Variants in LMNB1 observed in about 807,000 individuals in gnomAD.
LMNB1 encodes lamin B1.
In LMNB1, 23 loss-of-function variants were observed where a neutral mutation model predicts 67.1. That is an observed-to-expected ratio of 0.34 (90% confidence interval 0.25 to 0.49). The LOEUF is 0.49. LMNB1 is among the 20% of genes least tolerant of loss of function. The probability of loss-of-function intolerance (pLI) is 0.99; values close to 1 mark genes in which losing one functional copy is unlikely to be tolerated. For synonymous variants in LMNB1, 281 were observed against 282.9 expected (o/e 0.99, Z 0.07); for missense variants, 634 against 746.5 (o/e 0.85, Z 1.76).
intron 1 of LMNB1, among the ~76,000 whole-genome samples, chr5:126,781,294 C>T (rs1256320776): frequency 6.6e-6 from 1 of 151,752 alleles, no homozygotes; most frequent in Non-Finnish European, 1.5e-5. Context: ...TTGGTTTCTT[C>T]ATATTTTGTT....
intron 10 of LMNB1, among the ~76,000 whole-genome samples, chr5:126,834,801 G>A (rs999796971): frequency 9.9e-5 from 15 of 152,274 alleles, no homozygotes; most frequent in South Asian, 2.1e-4. Context: ...GCGTGAACCC[G>A]GGAGGCGGAG....
chr5:126,814,688 G>A (rs1406571033), intron 5 of LMNB1, among the ~76,000 whole-genome samples: 5 of 152,096 alleles, frequency 3.3e-5, no homozygotes, highest in Non-Finnish European at 7.4e-5. Flanking sequence ...ACAGGCACGC[G>A]CTACCACGCC....
At chr5:126,785,555 A>G (rs1188251148) in intron 1 of LMNB1, among the ~76,000 whole-genome samples, 3 of 136,798 alleles carry the variant, frequency 2.2e-5, no homozygotes, top group Admixed American at 7.6e-5. Context: ...TCCTGAGCTC[A>G]GGCAATATCT....
chr5:126,836,801 T>A lies in LMNB1; in HGVS notation c.*537T>A, dbSNP rs1350173748. The stretch of plus-strand genomic sequence containing the variant: ...ATTTTGTAAGAAGGCAATATTAACC[T>A]AATCACCATGTAAGCACTCTGGATG... On this transcript the variant is annotated 3_prime_UTR_variant, in exon 11 of 11. Coordinates refer to ENST00000261366, the MANE Select transcript of LMNB1 (RefSeq NM_005573.4). 2 of 378,654 alleles carry A rather than the reference T, an allele frequency of 5.3e-6. No homozygotes were observed. Among genetic ancestry groups the A allele is most frequent in the Non-Finnish European group, 9.3e-6 (2 of 215,276 alleles). The allele number at this position is 378,654 out of a possible 1,614,324, so 23.5% of individuals were successfully genotyped here.
intron 5 of LMNB1, among the ~76,000 whole-genome samples, chr5:126,817,618 G>A (rs1292878803): frequency 6.6e-6 from 1 of 152,126 alleles, no homozygotes; most frequent in African/African-American, 2.4e-5. Context: ...CTCTCTCAGA[G>A]TGAGAAACCT....
intron 1 of LMNB1, among the ~76,000 whole-genome samples, chr5:126,788,972 T>C (rs796285882): frequency 1.3e-5 from 2 of 151,664 alleles, no homozygotes; most frequent in South Asian, 2.1e-4. Context: ...CATGGTTCAC[T>C]ATAACCTGGA....
Position 126,777,607 on chromosome 5 carries a change from G to A in LMNB1, c.99G>A (p.Lys33=), listed in dbSNP as rs1750497385. ...SPTRLSRLQE[K]EELRELNDRL... is the part of the protein sequence containing the mutation. ...CGCGCCTGTCGCGGCTCCAGGAGAA[G>A]GAGGAGCTGCGCGAGCTCAATGACC... is the stretch of plus-strand genomic sequence containing the variant. Residue 33 remains lysine (K), a synonymous_variant, in exon 1 of 11, where the codon AAG becomes AAA. Coordinates refer to ENST00000261366, the MANE Select transcript of LMNB1 (RefSeq NM_005573.4). The A allele has an allele frequency of 3.9e-6, 6 of 1,537,200 alleles. No homozygotes were observed. The highest frequency in any genetic ancestry group is 5.3e-6 in the Non-Finnish European group (6 of 1,141,798).
At chr5:126,803,130 G>A (rs1164248233) in intron 1 of LMNB1, among the ~76,000 whole-genome samples, 2 of 149,344 alleles carry the variant, frequency 1.3e-5, no homozygotes, top group African/African-American at 2.5e-5. Flanking sequence ...AGGTTGCAAT[G>A]AGCCGAGATC....
Position 126,809,237 on chromosome 5 carries a change from T to C in LMNB1, c.643-943T>C, listed in dbSNP as rs201494571. On this transcript the variant is annotated intron_variant, in intron 3 of 10. Coordinates refer to ENST00000261366, the MANE Select transcript of LMNB1 (RefSeq NM_005573.4). ...GAGTAAAGGAAAGGATCATGACAAC[T>C]ACTTCTATTCTTCAATGGTAAATTT... Among the ~76,000 whole-genome samples the C allele has an allele frequency of 4.6e-5, 7 of 152,234 alleles. No homozygotes were observed. The East Asian group carries it at 1.3e-3, about 29-fold the overall frequency.
intron 1 of LMNB1, among the ~76,000 whole-genome samples, chr5:126,803,225 G>C (rs912479048): frequency 5.3e-5 from 8 of 151,484 alleles, no homozygotes; most frequent in African/African-American, 1.4e-4. Flanking sequence ...AGAAACTTCA[G>C]TTTGAACCTC....
chr5:126,791,116 T>G (rs950020416), intron 1 of LMNB1, among the ~76,000 whole-genome samples: 1 of 152,166 alleles, frequency 6.6e-6, no homozygotes, highest in Non-Finnish European at 1.5e-5. Flanking sequence ...GAAGTAATGA[T>G]GAGTGAAAAA....
chr5:126,821,299 TAGG>T (rs1365606191), intron 7 of LMNB1, among the ~76,000 whole-genome samples, 164 bp downstream of exon 7: 1 of 152,168 alleles, frequency 6.6e-6, no homozygotes, highest in Non-Finnish European at 1.5e-5. Context: ...AAAATTAAAA[TAGG>T]AGGAGGAAGA....
chr5:126,790,238 G>A (rs1177864285), intron 1 of LMNB1, among the ~76,000 whole-genome samples: 5 of 151,866 alleles, frequency 3.3e-5, no homozygotes, highest in Admixed American at 2.6e-4. Flanking sequence ...CTCCAGTAGC[G>A]GGGATTACAG....
At chr5:126,790,946 G>A (rs1390082550) in intron 1 of LMNB1, among the ~76,000 whole-genome samples, 3 of 151,932 alleles carry the variant, frequency 2.0e-5, no homozygotes, top group East Asian at 1.9e-4. Flanking sequence ...GCTTGAACCC[G>A]GGAGGTGGAG....
intron 1 of LMNB1, among the ~76,000 whole-genome samples, chr5:126,785,976 T>G (rs1434833023): frequency 6.6e-6 from 1 of 150,852 alleles, no homozygotes; most frequent in Middle Eastern, 3.2e-3. Flanking sequence ...ATCGTGCCAC[T>G]GCACTCCAGC....
intron 1 of LMNB1, among the ~76,000 whole-genome samples, chr5:126,800,143 G>A (rs925387213): frequency 2.0e-5 from 3 of 152,082 alleles, no homozygotes; most frequent in Non-Finnish European, 4.4e-5. Flanking sequence ...AAATTTTATT[G>A]AGTATCCCCA....
chr5:126,832,637 C>T (rs1752162458), intron 9 of LMNB1, 57 bp from the exon 10 acceptor site: 2 of 1,237,370 alleles, frequency 1.6e-6, no homozygotes, highest in South Asian at 1.2e-5. Flanking sequence ...AGGTCCCTCT[C>T]CCCCGCATTT....
chr5:126,822,821 G>C lies in LMNB1; in HGVS notation c.1427G>C (p.Gly476Ala). 1 of 1,613,290 alleles carries C rather than the reference G, an allele frequency of 6.2e-7. No homozygotes were observed. The highest frequency in any genetic ancestry group is 8.5e-7 in the Non-Finnish European group (1 of 1,179,326). ...MGGWEMIRKI[G>A]DTSVSYKYTS... The stretch of plus-strand genomic sequence containing the variant: ...GGCTGGGAGATGATCAGAAAAATTG[G>C]AGACACATCAGTCAGTTATAAATAT... The change falls in exon 8 of 11, where the codon GGA (glycine) becomes GCA (alanine). Residue 476 changes from glycine to alanine, a missense_variant. Physicochemically the swap from Gly to Ala is moderately conservative, Grantham distance 60. Coordinates refer to ENST00000261366, the MANE Select transcript of LMNB1 (RefSeq NM_005573.4).
chr5:126,785,308 T>A (rs1311651246), intron 1 of LMNB1, among the ~76,000 whole-genome samples: 1 of 140,828 alleles, frequency 7.1e-6, no homozygotes, highest in Non-Finnish European at 1.5e-5. Flanking sequence ...TTTTTTTTTT[T>A]TAATAACTGA....
Sources: gnomAD v4.1 joint callset for allele counts (sites outside exome capture counted in the v4.1 genomes callset) on GRCh38, gnomAD v4.1.1 for gene constraint, MANE v1.5 for transcripts, NCBI Gene and HGNC (gene_info 2026-07-23, HGNC 2026-07-21) for gene names.